Variants in MYO1B observed in about 807,000 individuals in gnomAD.
MYO1B encodes the protein myosin IB, also known as unconventional myosin-Ib.
Under a neutral mutation model 159.7 loss-of-function variants are expected in MYO1B, and 72 were observed. The ratio of observed to expected loss-of-function variants is 0.45; its 90% CI spans 0.37 to 0.55. The LOEUF is 0.55. Ranked by LOEUF, MYO1B falls within the 20% of genes least tolerant of loss-of-function variation. MYO1B has a pLI of 0.00. For missense variants in MYO1B, 1,062 were observed against 1,364.8 expected, an observed-to-expected ratio of 0.78 and a Z score of 3.50; for synonymous variants, 468 against 473.8, an observed-to-expected ratio of 0.99 and a Z score of 0.16.
At chr2:191,362,735 A>T (rs2126015323) in intron 9 of MYO1B, among the ~76,000 whole-genome samples, 1 of 152,360 alleles carries the variant, frequency 6.6e-6, no homozygotes, top group Non-Finnish European at 1.5e-5. Flanking sequence ...TTGAGACAGA[A>T]AAAAATCTTT....
chr2:191,394,767 C>T (rs1391260439), intron 20 of MYO1B, among the ~76,000 whole-genome samples: 2 of 152,152 alleles, frequency 1.3e-5, no homozygotes, highest in South Asian at 2.1e-4. Context: ...TGTACCTTTT[C>T]TCCCAATATA....
intron 30 of MYO1B, among the ~76,000 whole-genome samples, chr2:191,423,111 T>C (rs567442690): frequency 6.6e-6 from 1 of 152,320 alleles, no homozygotes; most frequent in Admixed American, 6.5e-5. Context: ...TACAGTCATG[T>C]GTCATTTAAC....
chr2:191,330,617 A>G (rs10170176), intron 4 of MYO1B, among the ~76,000 whole-genome samples: 14,566 of 152,184 alleles, frequency 0.096, 2,271 homozygotes, highest in African/African-American at 0.33. Context: ...GTGAGAAAAT[A>G]ACTTTACAGA....
rs776914105 is a variant in MYO1B, at chr2:191,363,781, G to A, written c.819G>A (p.Ala273=). ...ATCATGAAGCTGAGTCTGTCTTGGC[G>A]GTGGTGGCAGCAGTGTTGAAACTGG... ...FMDHEAESVL[A]VVAAVLKLGN... is the part of the protein sequence containing the mutation. The change falls in exon 10 of 31, where the codon GCG becomes GCA. Residue 273 remains alanine (A), a synonymous_variant. Coordinates refer to ENST00000392318, the MANE Select transcript of MYO1B (RefSeq NM_001130158.3). 17 of 1,613,884 alleles carry A rather than the reference G, an allele frequency of 1.1e-5. 1 individual carries two copies. The highest frequency in any genetic ancestry group is 1.6e-4 in the Middle Eastern group (1 of 6,062).
At chr2:191,402,404 C>T in intron 23 of MYO1B, 1 of 538,550 alleles carries the variant, frequency 1.9e-6, no homozygotes, top group Non-Finnish European at 3.3e-6. Flanking sequence ...ACCTTGGGAA[C>T]CACACAGATT....
At chr2:191,276,200 T>C (rs1687740911) in intron 1 of MYO1B, among the ~76,000 whole-genome samples, 1 of 152,198 alleles carries the variant, frequency 6.6e-6, no homozygotes, top group African/African-American at 2.4e-5. Context: ...GATTTACAAG[T>C]GGGTTGTGTT....
intron 26 of MYO1B, among the ~76,000 whole-genome samples, chr2:191,410,245 T>C (rs1030494672): frequency 2.6e-5 from 4 of 151,994 alleles, no homozygotes; most frequent in Non-Finnish European, 4.4e-5. Flanking sequence ...CATCCCTCCA[T>C]TGGATTGGAG....
At chr2:191,315,427 G>A (rs984016288) in intron 3 of MYO1B, among the ~76,000 whole-genome samples, 1 of 152,106 alleles carries the variant, frequency 6.6e-6, no homozygotes, top group Non-Finnish European at 1.5e-5. Flanking sequence ...TATAGTCAAT[G>A]TAATAAAATA....
At chr2:191,341,695 C>T in intron 5 of MYO1B, 130 bp downstream of exon 5, 1 of 629,116 alleles carries the variant, frequency 1.6e-6, no homozygotes. Context: ...CAGGCCAAGA[C>T]CTGCTGAGCA....
intron 21 of MYO1B, 35 bp downstream of exon 21, chr2:191,396,532 G>A (rs1574599423): frequency 1.9e-6 from 3 of 1,604,678 alleles, no homozygotes; most frequent in East Asian, 4.5e-5. Context: ...ATTTATTTTG[G>A]GTTTTCTGGT....
chr2:191,260,071 T>C (rs2125686381), intron 1 of MYO1B, among the ~76,000 whole-genome samples: 1 of 151,880 alleles, frequency 6.6e-6, no homozygotes, highest in African/African-American at 2.4e-5. Flanking sequence ...CTGTGACAAG[T>C]AGAGAATGGA....
chr2:191,330,106 C>A, intron 4 of MYO1B, 77 bp downstream of exon 4: 1 of 1,269,996 alleles, frequency 7.9e-7, no homozygotes, highest in Non-Finnish European at 1.1e-6. Flanking sequence ...CCAGTAGGGC[C>A]TCCTTAGCAA....
chr2:191,282,141 G>A (rs1688099098), intron 2 of MYO1B, among the ~76,000 whole-genome samples: 1 of 152,106 alleles, frequency 6.6e-6, no homozygotes, highest in Non-Finnish European at 1.5e-5. Flanking sequence ...CCACCTCATG[G>A]GTATAATCTC....
At chr2:191,259,646 T>G (rs1337007541) in intron 1 of MYO1B, among the ~76,000 whole-genome samples, 1 of 152,208 alleles carries the variant, frequency 6.6e-6, no homozygotes, top group Non-Finnish European at 1.5e-5. Flanking sequence ...ACCTTTTCTA[T>G]ATTTTGAATG....
intron 23 of MYO1B, among the ~76,000 whole-genome samples, chr2:191,401,183 G>A (rs939622602): frequency 2.6e-5 from 4 of 151,884 alleles, no homozygotes; most frequent in African/African-American, 9.7e-5. Context: ...GAGGGGTTGC[G>A]CATGTTGGGA....
At chr2:191,416,040 T>C (rs1431209643) in intron 29 of MYO1B, 75 bp from the exon 30 acceptor site, 14 of 1,486,132 alleles carry the variant, frequency 9.4e-6, no homozygotes, top group Non-Finnish European at 1.2e-5. Context: ...TGTAAGTATG[T>C]TTTTAGCCAA....
intron 1 of MYO1B, among the ~76,000 whole-genome samples, chr2:191,261,274 A>C (rs964047710): frequency 6.6e-6 from 1 of 152,232 alleles, no homozygotes; most frequent in Non-Finnish European, 1.5e-5. Flanking sequence ...TGTTGTTTCT[A>C]TGAAAATTCA....
In MYO1B at chr2:191,314,959, T is replaced by C; in HGVS notation, c.252-14976T>C. ...GCTATATTTTTAAATTGTAGATTTT[T>C]TATTCTGCTGAACCTGTGTGTGTCT... On this transcript the variant is annotated intron_variant, in intron 3 of 30. Transcript: ENST00000392318. Among the ~76,000 whole-genome samples, 2 of 152,222 alleles carry C rather than the reference T, an allele frequency of 1.3e-5. 1 individual carries two copies. Among genetic ancestry groups the C allele is most frequent in the Non-Finnish European group, 2.9e-5 (2 of 68,048 alleles).
At chr2:191,253,136 C>T (rs1340063081) in intron 1 of MYO1B, among the ~76,000 whole-genome samples, 1 of 152,122 alleles carries the variant, frequency 6.6e-6, no homozygotes, top group Non-Finnish European at 1.5e-5. Context: ...GTTCCTTGGC[C>T]AGGTACATGT....
Sources: gnomAD v4.1 joint callset for allele counts (sites outside exome capture counted in the v4.1 genomes callset) on GRCh38, gnomAD v4.1.1 for gene constraint, MANE v1.5 for transcripts, NCBI Gene and HGNC (gene_info 2026-07-23, HGNC 2026-07-21) for gene names.